Variants in TNKS observed in about 807,000 individuals in gnomAD.
TNKS encodes the protein tankyrase.
In TNKS, 72 loss-of-function variants were observed where a neutral mutation model predicts 135.8. That is an observed-to-expected ratio of 0.53 (90% CI 0.44 to 0.64). The LOEUF is 0.64. Among genes scored for constraint, TNKS ranks in the 30% least tolerant of loss-of-function variants. The pLI is 0.00. For synonymous variants in TNKS, 849 were observed against 649.3 expected (o/e 1.31, Z -4.68); for missense variants, 1,769 against 1,674.0 (o/e 1.06, Z -0.99).
chr8:9,719,439 A>G (rs1004786423), intron 11 of TNKS, among the ~76,000 whole-genome samples: 1 of 152,204 alleles, frequency 6.6e-6, no homozygotes, highest in African/African-American at 2.4e-5. Flanking sequence ...ATTCTCAATA[A>G]CCTTAGTTTA....
intron 6 of TNKS, 21 bp from the exon 7 acceptor site, chr8:9,706,166 A>T (rs543729881): frequency 6.5e-7 from 1 of 1,549,742 alleles, no homozygotes; most frequent in East Asian, 2.4e-5. Flanking sequence ...TAAGTATTTT[A>T]ATTTGCCTCT....
intron 5 of TNKS, among the ~76,000 whole-genome samples, chr8:9,693,780 A>G (rs1803386682): frequency 6.6e-6 from 1 of 152,220 alleles, no homozygotes; most frequent in South Asian, 2.1e-4. Context: ...TCTTACTACT[A>G]AAAGTAGAGT....
intron 3 of TNKS, among the ~76,000 whole-genome samples, chr8:9,626,538 A>C (rs1800060987): frequency 6.6e-6 from 1 of 152,224 alleles, no homozygotes; most frequent in Non-Finnish European, 1.5e-5. Flanking sequence ...TGAGATCTTC[A>C]TAGTTCTTGG....
chr8:9,659,105 A>G (rs992342468), intron 3 of TNKS, among the ~76,000 whole-genome samples: 2 of 152,220 alleles, frequency 1.3e-5, no homozygotes, highest in East Asian at 3.8e-4. Context: ...GTGAAGTACA[A>G]AGAGACATAG....
chr8:9,758,111 C>A (rs958484477), intron 20 of TNKS, among the ~76,000 whole-genome samples: 6 of 152,268 alleles, frequency 3.9e-5, no homozygotes, highest in African/African-American at 9.6e-5. Context: ...CCAGTGACCT[C>A]ATAAATACAT....
chr8:9,775,592 T>G (rs1444625180), intron 26 of TNKS, among the ~76,000 whole-genome samples: 1 of 149,408 alleles, frequency 6.7e-6, no homozygotes, highest in Non-Finnish European at 1.5e-5. Context: ...TAATGAATAA[T>G]ACTAATAAAA....
intron 2 of TNKS, among the ~76,000 whole-genome samples, chr8:9,604,301 A>G (rs972501712): frequency 6.6e-6 from 1 of 152,100 alleles, no homozygotes; most frequent in African/African-American, 2.4e-5. Context: ...GAGTGTATCT[A>G]CTTTACTCTT....
intron 1 of TNKS, among the ~76,000 whole-genome samples, chr8:9,577,797 C>T (rs556295040): frequency 3.3e-5 from 5 of 152,248 alleles, no homozygotes; most frequent in South Asian, 2.1e-4. Flanking sequence ...CATGCCTTCC[C>T]GATAGTCCCC....
chr8:9,772,187 A>C (rs1183574589), intron 26 of TNKS, among the ~76,000 whole-genome samples: 4 of 151,368 alleles, frequency 2.6e-5, no homozygotes, highest in Non-Finnish European at 5.9e-5. Flanking sequence ...ATGGATGCTA[A>C]ATATGGGGAT....
rs149703298 is a variant in TNKS, at chr8:9,776,713, A to G, written c.3961A>G (p.Thr1321Ala). 2.5e-6 allele frequency: 4 copies of G among 1,613,440 alleles called. No individual in the cohort carries two copies. The highest frequency in any genetic ancestry group is 1.1e-5 in the South Asian group (1 of 91,076). The change falls in exon 27 of 27, where the codon ACA becomes GCA. Residue 1321 changes from threonine to alanine, a missense_variant. Thr to Ala is a moderately conservative substitution (Grantham distance 58). Coordinates refer to ENST00000310430, the MANE Select transcript of TNKS (RefSeq NM_003747.3). ...MKPEAPSQTA[T>A]AAEQKT ...GCCAGAAGCCCCTTCCCAGACCGCA[A>G]CAGCCGCAGAGCAGAAGACCTAGTG...
At chr8:9,579,760 C>T (rs550976284) in intron 1 of TNKS, among the ~76,000 whole-genome samples, 9 of 152,254 alleles carry the variant, frequency 5.9e-5, no homozygotes, top group Admixed American at 1.3e-4. Flanking sequence ...CCACTGCGCC[C>T]GGCTTATCAG....
intron 2 of TNKS, among the ~76,000 whole-genome samples, chr8:9,585,840 C>G (rs1432448130): frequency 6.6e-6 from 1 of 152,102 alleles, no homozygotes; most frequent in East Asian, 1.9e-4. Flanking sequence ...TCAAGCTGCT[C>G]TTTAAAATCT....
At chr8:9,761,086 G>A (rs951693685) in intron 20 of TNKS, among the ~76,000 whole-genome samples, 5 of 152,144 alleles carry the variant, frequency 3.3e-5, no homozygotes, top group South Asian at 2.1e-4. Flanking sequence ...CTTTTCCTGC[G>A]TTGTTTACTT....
intron 3 of TNKS, among the ~76,000 whole-genome samples, chr8:9,664,428 G>T (rs1348840706): frequency 1.3e-5 from 2 of 152,192 alleles, no homozygotes; most frequent in Non-Finnish European, 2.9e-5. Flanking sequence ...CCACCTCCAT[G>T]ACTCAGACAC....
intron 12 of TNKS, 54 bp downstream of exon 12, chr8:9,720,599 G>C: frequency 6.5e-7 from 1 of 1,527,398 alleles, no homozygotes; most frequent in Non-Finnish European, 8.8e-7. Context: ...CATCCCTGCT[G>C]AAATACACAG....
chr8:9,646,751 C>G (rs1800934014), intron 3 of TNKS, among the ~76,000 whole-genome samples: 1 of 151,908 alleles, frequency 6.6e-6, no homozygotes, highest in Non-Finnish European at 1.5e-5. Context: ...TTTTCTTTTC[C>G]AAGTCAGTTT....
At chr8:9,663,219 T>G (rs1801816278) in intron 3 of TNKS, among the ~76,000 whole-genome samples, 1 of 152,238 alleles carries the variant, frequency 6.6e-6, no homozygotes, top group South Asian at 2.1e-4. Context: ...TGTGTGGGAA[T>G]AAATGTGTGT....
intron 2 of TNKS, among the ~76,000 whole-genome samples, chr8:9,611,780 A>G (rs964040731): frequency 5.9e-5 from 9 of 152,256 alleles, no homozygotes; most frequent in Non-Finnish European, 7.3e-5. Context: ...ATGAAATTCT[A>G]TTTGAGAAAT....
chr8:9,604,038 A>T (rs1799125600), intron 2 of TNKS, among the ~76,000 whole-genome samples: 1 of 152,088 alleles, frequency 6.6e-6, no homozygotes, highest in African/African-American at 2.4e-5. Context: ...TAAAAATGCG[A>T]AATTTTGCAA....
Sources: gnomAD v4.1 joint callset for allele counts (sites outside exome capture counted in the v4.1 genomes callset) on GRCh38, gnomAD v4.1.1 for gene constraint, MANE v1.5 for transcripts, NCBI Gene and HGNC (gene_info 2026-07-23, HGNC 2026-07-21) for gene names.